SPAG16: variants seen among roughly 807,000 people sequenced by gnomAD.
SPAG16 encodes the protein sperm-associated antigen 16 protein.
A neutral mutation model predicts 80.4 loss-of-function variants in SPAG16; 86 were observed. That is an observed-to-expected ratio of 1.07 (90% confidence interval 0.90 to 1.28). The LOEUF (loss-of-function observed/expected upper bound fraction) is 1.28, where lower values mean the gene tolerates loss of function less well. Among genes scored for constraint, SPAG16 ranks in the 50% most tolerant of loss-of-function variants. The probability of loss-of-function intolerance (pLI) is 0.00; values close to 1 mark genes in which losing one functional copy is unlikely to be tolerated. For synonymous variants in SPAG16, 294 were observed against 265.9 expected, an observed-to-expected ratio of 1.11 and a Z score of -1.03; for missense variants, 870 against 765.3, an observed-to-expected ratio of 1.14 and a Z score of -1.61.
chr2:213,916,776 G>A (rs563096134), intron 11 of SPAG16, among the ~76,000 whole-genome samples: 1 of 152,258 alleles, frequency 6.6e-6, no homozygotes, highest in Admixed American at 6.5e-5. Flanking sequence ...TTCTTTTGCT[G>A]TTGAGAAGCT....
At chr2:213,573,543 T>C (rs1372314685) in intron 10 of SPAG16, among the ~76,000 whole-genome samples, 1 of 152,266 alleles carries the variant, frequency 6.6e-6, no homozygotes, top group Non-Finnish European at 1.5e-5. Context: ...TGCTAAAAGC[T>C]CAGCCATTAA....
chr2:213,408,127 C>CA (rs956483563), intron 9 of SPAG16, among the ~76,000 whole-genome samples: 5 of 127,938 alleles, frequency 3.9e-5, no homozygotes, highest in Admixed American at 7.5e-5. Context: ...GAAAAAAAAA[C>CA]AAAAAAACCA....
chr2:214,323,543 A>G (rs927424750), intron 15 of SPAG16, among the ~76,000 whole-genome samples: 1 of 152,176 alleles, frequency 6.6e-6, no homozygotes, highest in Admixed American at 6.5e-5. Flanking sequence ...CCCTAAGTGT[A>G]TTAAATCAAG....
intron 10 of SPAG16, among the ~76,000 whole-genome samples, chr2:213,841,850 G>A (rs1471937737): frequency 6.6e-6 from 1 of 152,048 alleles, no homozygotes; most frequent in Non-Finnish European, 1.5e-5. Flanking sequence ...TAAGTTATAT[G>A]TATAAGAATT....
intron 12 of SPAG16, among the ~76,000 whole-genome samples, chr2:213,994,761 T>A (rs2046439045): frequency 6.6e-6 from 1 of 152,144 alleles, no homozygotes; most frequent in South Asian, 2.1e-4. Context: ...AAATATGCTT[T>A]CCTTAAATGT....
At chr2:214,356,299 T>A (rs1234642788) in intron 15 of SPAG16, among the ~76,000 whole-genome samples, 1 of 152,036 alleles carries the variant, frequency 6.6e-6, no homozygotes, top group African/African-American at 2.4e-5. Flanking sequence ...GTCCTTTTGA[T>A]CAATGTCAGA....
chr2:213,504,160 C>T (rs1440994268), intron 10 of SPAG16, among the ~76,000 whole-genome samples: 1 of 152,148 alleles, frequency 6.6e-6, no homozygotes, highest in Non-Finnish European at 1.5e-5. Flanking sequence ...TATGCAGGGG[C>T]TCCATGCCTG....
At chr2:213,507,845 C>G (rs781120890) in intron 10 of SPAG16, among the ~76,000 whole-genome samples, 1 of 152,214 alleles carries the variant, frequency 6.6e-6, no homozygotes, top group Non-Finnish European at 1.5e-5. Context: ...TGCTTCAGCT[C>G]TGATCACTCT....
At chr2:213,797,234 C>G (rs2071100822) in intron 10 of SPAG16, among the ~76,000 whole-genome samples, 1 of 151,876 alleles carries the variant, frequency 6.6e-6, no homozygotes, top group African/African-American at 2.4e-5. Flanking sequence ...TATCATTGAA[C>G]AAAATTTTTT....
intron 10 of SPAG16, among the ~76,000 whole-genome samples, chr2:213,651,430 CG>C (rs1396026173): frequency 6.6e-6 from 1 of 152,130 alleles, no homozygotes; most frequent in Non-Finnish European, 1.5e-5. Context: ...CAGGAGAAAC[CG>C]GTACTTCCTT....
At chr2:214,102,897 GGA>G (rs1337879952) in intron 13 of SPAG16, among the ~76,000 whole-genome samples, 2 of 152,092 alleles carry the variant, frequency 1.3e-5, no homozygotes, top group Non-Finnish European at 2.9e-5. Context: ...AAGGATCAAG[GGA>G]GAAAAGGGAG....
At chr2:214,385,415 T>G (rs530268073) in intron 15 of SPAG16, among the ~76,000 whole-genome samples, 1 of 152,236 alleles carries the variant, frequency 6.6e-6, no homozygotes, top group African/African-American at 2.4e-5. Flanking sequence ...ATTTGATATA[T>G]GAAGAATCTG....
At chr2:213,721,976 A>G (rs1216247964) in intron 10 of SPAG16, among the ~76,000 whole-genome samples, 1 of 152,176 alleles carries the variant, frequency 6.6e-6, no homozygotes, top group Non-Finnish European at 1.5e-5. Context: ...AAAAGAAAAA[A>G]CTGTTTATAA....
chr2:213,951,520 A>G (rs72950726), intron 12 of SPAG16, among the ~76,000 whole-genome samples: 22,151 of 152,170 alleles, frequency 0.15, 1,994 homozygotes, highest in Non-Finnish European at 0.2. Flanking sequence ...TGCAAAAGAC[A>G]AAAGCACATA....
At position 213,996,078 on chromosome 2, in the gene SPAG16, C is replaced by T. The variant is rs1365629680; in HGVS notation, c.1401-17873C>T. Among the ~76,000 whole-genome samples, 5 of 152,310 alleles carry T rather than the reference C, an allele frequency of 3.3e-5. 1 individual carries two copies. Among genetic ancestry groups the T allele is most frequent in the South Asian group, 4.1e-4 (2 of 4,824 alleles). ...TCTGACTCCAGGTAGTTTCTGGTCT[C>T]TGTCCATCCAATATTCCAGAGGCAA... On this transcript the variant is annotated intron_variant, in intron 12 of 15. Coordinates refer to ENST00000331683, the MANE Select transcript of SPAG16 (RefSeq NM_024532.5).
At chr2:213,782,903 A>G (rs1238004332) in intron 10 of SPAG16, among the ~76,000 whole-genome samples, 1 of 152,222 alleles carries the variant, frequency 6.6e-6, no homozygotes, top group African/African-American at 2.4e-5. Flanking sequence ...TCTGTAAAAG[A>G]GTTCTAAGAA....
intron 10 of SPAG16, among the ~76,000 whole-genome samples, chr2:213,521,727 T>C (rs1272508958): frequency 2.6e-5 from 4 of 152,220 alleles, no homozygotes; most frequent in Non-Finnish European, 5.9e-5. Context: ...AATGTACTCA[T>C]TGTGGTCTGA....
intron 10 of SPAG16, among the ~76,000 whole-genome samples, chr2:213,738,970 A>G (rs1446379909): frequency 6.6e-6 from 1 of 152,234 alleles, no homozygotes; most frequent in African/African-American, 2.4e-5. Flanking sequence ...CTTGATATGC[A>G]TATAGGATAA....
intron 5 of SPAG16, among the ~76,000 whole-genome samples, chr2:213,318,890 G>C (rs980659068): frequency 2.0e-5 from 3 of 151,774 alleles, no homozygotes; most frequent in African/African-American, 7.2e-5. Flanking sequence ...ATTACTGAAA[G>C]GAAACCTTTG....
Sources: allele counts gnomAD v4.1 joint callset (sites outside exome capture counted in the v4.1 genomes callset), GRCh38; gene constraint gnomAD v4.1.1; transcripts MANE v1.5; gene names NCBI Gene and HGNC (gene_info 2026-07-23, HGNC 2026-07-21).